Variants in KIF26B observed in about 807,000 individuals in gnomAD.
KIF26B encodes the protein kinesin family member 26B.
A neutral mutation model predicts 151.2 loss-of-function variants in KIF26B; 63 were observed. The observed-to-expected ratio is 0.42, with a 90% CI of 0.34 to 0.51. KIF26B has a LOEUF of 0.51. Ranked by LOEUF, KIF26B falls within the 20% of genes least tolerant of loss-of-function variation. KIF26B has a pLI of 0.07. For synonymous variants in KIF26B, 1,357 were observed against 1,262.1 expected, an observed-to-expected ratio of 1.08 and a Z score of -1.59; for missense variants, 2,813 against 2,913.6, an observed-to-expected ratio of 0.97 and a Z score of 0.79.
intron 2 of KIF26B, among the ~76,000 whole-genome samples, chr1:245,284,421 G>C (rs1351842734): frequency 6.6e-6 from 1 of 152,012 alleles, no homozygotes. Context: ...AATACATTTT[G>C]GGTTTTTTTG....
intron 9 of KIF26B, among the ~76,000 whole-genome samples, chr1:245,620,535 G>T (rs537101418): frequency 3.3e-5 from 5 of 152,182 alleles, no homozygotes; most frequent in African/African-American, 1.2e-4. Flanking sequence ...ACGTAGCTGG[G>T]GCAACAGGTG....
chr1:245,393,311 T>C (rs919382796), intron 3 of KIF26B, among the ~76,000 whole-genome samples: 1 of 152,248 alleles, frequency 6.6e-6, no homozygotes, highest in Admixed American at 6.5e-5. Flanking sequence ...GTTGTTACTT[T>C]GTCTCTGCAT....
At chr1:245,468,693 G>C (rs1276176609) in intron 4 of KIF26B, among the ~76,000 whole-genome samples, 1 of 152,206 alleles carries the variant, frequency 6.6e-6, no homozygotes, top group Non-Finnish European at 1.5e-5. Flanking sequence ...GAGAGAGAGA[G>C]AGAGAGGTGA....
intron 2 of KIF26B, among the ~76,000 whole-genome samples, chr1:245,250,524 A>C (rs899522965): frequency 4.6e-5 from 7 of 152,196 alleles, no homozygotes; most frequent in Non-Finnish European, 8.8e-5. Flanking sequence ...GTGCTGGCTC[A>C]CAGGACACAT....
At chr1:245,289,057 G>C (rs1265337218) in intron 2 of KIF26B, among the ~76,000 whole-genome samples, 4 of 152,132 alleles carry the variant, frequency 2.6e-5, no homozygotes, top group Admixed American at 2.6e-4. Flanking sequence ...TATAGAGGAA[G>C]TCGGGTTGGT....
chr1:245,706,635 C>G lies in KIF26B; in HGVS notation c.*4029C>G, dbSNP rs1198557266. The stretch of plus-strand genomic sequence containing the variant: ...TTCTAAAGACAATACGTCTTAAACC[C>G]TGAAAACTTGCCAGTGAGAAAGAGG... On this transcript the variant is annotated 3_prime_UTR_variant, in exon 15 of 15. Transcript: ENST00000407071. 1 of 152,180 alleles carries G rather than the reference C, an allele frequency of 6.6e-6. No homozygotes were observed. The highest frequency in any genetic ancestry group is 1.5e-5 in the Non-Finnish European group (1 of 68,050). 9.4% of individuals were successfully genotyped at this position (152,180 alleles called of 1,614,324 possible). A position where few individuals can be genotyped will look rare whatever the true frequency, so the allele number is the denominator to read the frequency against.
In KIF26B at chr1:245,698,330, C is replaced by T. The variant is rs574952928; in HGVS notation, c.6027+22C>T. ...CAAGGTGAGGCAGCCTCCTTCCCACCCCCTGCCTACGTGGTGGCAGCTCCC... is the reference window on the plus strand; with the variant it reads ...CAAGGTGAGGCAGCCTCCTTCCCACTCCCTGCCTACGTGGTGGCAGCTCCC... On this transcript the variant is annotated intron_variant, in intron 13 of 14. Coordinates refer to ENST00000407071, the MANE Select transcript of KIF26B (RefSeq NM_018012.4). This position sits in a 1 kb window ranked among gnomAD's most constrained non-coding sequence, Gnocchi z 4.0. 6.2e-7 allele frequency: 1 copy of T among 1,603,690 alleles called. No individual in the cohort carries two copies. Among genetic ancestry groups the T allele is most frequent in the African/African-American group, 1.3e-5 (1 of 74,816 alleles).
At chr1:245,259,947 A>G (rs1487407438) in intron 2 of KIF26B, among the ~76,000 whole-genome samples, 5 of 151,984 alleles carry the variant, frequency 3.3e-5, no homozygotes, top group Admixed American at 1.3e-4. Context: ...AAAAAAAAAA[A>G]AAAAAAAAAA....
At chr1:245,484,795 T>TATTATTATTATTA (rs74163057) in intron 4 of KIF26B, among the ~76,000 whole-genome samples, 1 of 150,060 alleles carries the variant, frequency 6.7e-6, no homozygotes, top group African/African-American at 2.4e-5. Flanking sequence ...TTATTATTAT[T>TATTATTATTATTA]CTTTTAATTC....
Position 245,502,419 on chromosome 1 carries a change from C to T in KIF26B, c.1167-38348C>T, listed in dbSNP as rs543961964. On this transcript the variant is annotated intron_variant, in intron 4 of 14. Transcript: ENST00000407071. The stretch of plus-strand genomic sequence containing the variant: ...GCGCACGCCTGTAATCCCAGCTACT[C>T]GGGAGGCTGAGGCAGGAGAATTGCT... Among the ~76,000 whole-genome samples, 5 of 151,424 alleles carry T rather than the reference C, an allele frequency of 3.3e-5. 1 individual carries two copies. In the South Asian group the frequency reaches 8.4e-4, roughly 25 times the overall value.
chr1:245,636,860 T>TTGTGTGTG (rs34722448), intron 9 of KIF26B, among the ~76,000 whole-genome samples: 1,921 of 149,276 alleles, frequency 0.013, 52 homozygotes, highest in African/African-American at 0.044. Flanking sequence ...TAATATTCCA[T>TTGTGTGTG]TGTGTGTGTG....
At position 245,708,979 on chromosome 1, in the gene KIF26B, T is replaced by C. The variant is rs2044874791; in HGVS notation, c.*6373T>C. 6.6e-6 allele frequency: 1 copy of C among 152,266 alleles called. No homozygotes were observed. Among genetic ancestry groups the C allele is most frequent in the Non-Finnish European group, 1.5e-5 (1 of 68,046 alleles). The allele number at this position is 152,266 out of a possible 1,614,324, so 9.4% of individuals were successfully genotyped here. ...ATTCAATGGTAGTGCTTAATGTTAC[T>C]GTCTGAAATCCACTGTTTAACCAGA... On this transcript the variant is annotated 3_prime_UTR_variant, in exon 15 of 15. Transcript: ENST00000407071.
intron 10 of KIF26B, among the ~76,000 whole-genome samples, chr1:245,679,524 A>C (rs759799812): frequency 8.2e-6 from 1 of 122,462 alleles, no homozygotes; most frequent in Admixed American, 1.1e-4. Flanking sequence ...GCTGGAGTGC[A>C]GTGGCGCAAT....
chr1:245,658,275 C>T (rs1386346884), intron 10 of KIF26B, among the ~76,000 whole-genome samples: 1 of 152,088 alleles, frequency 6.6e-6, no homozygotes, highest in African/African-American at 2.4e-5. Context: ...AAATATTCTT[C>T]TGTGGGTGGA....
intron 2 of KIF26B, among the ~76,000 whole-genome samples, chr1:245,295,932 T>C (rs1671328780): frequency 1.3e-5 from 2 of 152,190 alleles, no homozygotes; most frequent in African/African-American, 4.8e-5. Flanking sequence ...TGAGTTGGCC[T>C]GACACAGCTC....
At chr1:245,326,966 AC>A (rs201784980) in intron 2 of KIF26B, among the ~76,000 whole-genome samples, 1,804 of 152,304 alleles carry the variant, frequency 0.012, 21 homozygotes, top group Non-Finnish European at 0.019. Context: ...CCTATCGCTT[AC>A]AGTTGTTTTT....
intron 12 of KIF26B, among the ~76,000 whole-genome samples, chr1:245,693,387 C>T (rs1241920530): frequency 6.6e-6 from 1 of 152,208 alleles, no homozygotes; most frequent in Non-Finnish European, 1.5e-5. Flanking sequence ...CAGCACTGGG[C>T]TGGTGCAGGT....
rs1670386083 is a variant in KIF26B, at chr1:245,248,817, G to C, written c.465+92134G>C. 2.6e-5 allele frequency among the ~76,000 whole-genome samples: 4 copies of C among 152,288 alleles called. No individual in the cohort carries two copies. The Middle Eastern group carries it at 0.01, about 388-fold the overall frequency. Reference sequence around the variant, plus strand: ...CTATGGAAATAGCCAGAAAATGATGGATCGAGGAAATCAAGTGTAAATCAG... The same window carrying C: ...CTATGGAAATAGCCAGAAAATGATGCATCGAGGAAATCAAGTGTAAATCAG... On this transcript the variant is annotated intron_variant, in intron 2 of 14. Coordinates refer to ENST00000407071, the MANE Select transcript of KIF26B (RefSeq NM_018012.4).
intron 5 of KIF26B, among the ~76,000 whole-genome samples, chr1:245,556,507 C>T (rs1662043345): frequency 6.6e-6 from 1 of 152,116 alleles, no homozygotes; most frequent in Non-Finnish European, 1.5e-5. Context: ...TCAAGCGATC[C>T]TCTCACCTTA....
Sources: gnomAD v4.1 joint callset for allele counts (sites outside exome capture counted in the v4.1 genomes callset) on GRCh38, gnomAD v4.1.1 for gene constraint, Gnocchi (gnomAD v3.1) non-coding constraint, MANE v1.5 for transcripts, NCBI Gene and HGNC (gene_info 2026-07-23, HGNC 2026-07-21) for gene names.